MYO1B: variants seen among roughly 807,000 people sequenced by gnomAD.
The protein encoded by MYO1B is myosin IB, also known as unconventional myosin-Ib.
In MYO1B, 72 loss-of-function variants were observed where a neutral mutation model predicts 159.7. The ratio of observed to expected loss-of-function variants is 0.45; its 90% CI spans 0.37 to 0.55. The LOEUF is 0.55. MYO1B is among the 20% of genes least tolerant of loss of function. MYO1B has a pLI of 0.00. For missense variants in MYO1B, 1,062 were observed against 1,364.8 expected (o/e 0.78, Z 3.50); for synonymous variants, 468 against 473.8 (o/e 0.99, Z 0.16).
chr2:191,413,988 T>A (rs1198126036), intron 27 of MYO1B, 60 bp from the exon 28 acceptor site: 5 of 1,535,270 alleles, frequency 3.3e-6, no homozygotes, highest in Non-Finnish European at 4.4e-6. Flanking sequence ...CCTGTTTCCT[T>A]TTTTTAGTGG....
At chr2:191,423,281 A>C (rs538972067) in intron 30 of MYO1B, among the ~76,000 whole-genome samples, 1 of 152,236 alleles carries the variant, frequency 6.6e-6, no homozygotes, top group African/African-American at 2.4e-5. Context: ...TGCATACTGT[A>C]GGCAATTGTA....
chr2:191,414,212 A>G, intron 28 of MYO1B, 32 bp downstream of exon 28: 1 of 1,588,216 alleles, frequency 6.3e-7, no homozygotes, highest in Non-Finnish European at 8.6e-7. Context: ...ACTGATAAGA[A>G]GTACCTATTA....
At chr2:191,285,243 T>C (rs1379324760) in intron 2 of MYO1B, among the ~76,000 whole-genome samples, 1 of 152,228 alleles carries the variant, frequency 6.6e-6, no homozygotes. Flanking sequence ...CAGTATTGTA[T>C]TATCCTGCTC....
intron 2 of MYO1B, among the ~76,000 whole-genome samples, chr2:191,295,654 G>A (rs1026767000): frequency 6.6e-6 from 1 of 152,100 alleles, no homozygotes; most frequent in Non-Finnish European, 1.5e-5. Flanking sequence ...CCAAAGGGAA[G>A]GCCCTATGAG....
chr2:191,263,313 G>C, intron 1 of MYO1B: 1 of 984,946 alleles, frequency 1.0e-6, no homozygotes. Flanking sequence ...ACGAATGTTT[G>C]TCTCTCTCTT....
At chr2:191,364,094 T>C (rs953847834) in intron 10 of MYO1B, 64 bp from the exon 11 acceptor site, 20 of 1,394,518 alleles carry the variant, frequency 1.4e-5, no homozygotes, top group Non-Finnish European at 2.0e-5. Flanking sequence ...TCCTAAGCCT[T>C]CAAAATTATT....
At chr2:191,371,681 T>C (rs1694374293) in intron 13 of MYO1B, among the ~76,000 whole-genome samples, 1 of 152,200 alleles carries the variant, frequency 6.6e-6, no homozygotes, top group South Asian at 2.1e-4. Flanking sequence ...CTCACCTTTC[T>C]TCCCAAAGTA....
chr2:191,423,556 T>G (rs953159499), intron 30 of MYO1B, among the ~76,000 whole-genome samples: 3 of 152,192 alleles, frequency 2.0e-5, no homozygotes, highest in Non-Finnish European at 2.9e-5. Context: ...TATATGTGGT[T>G]CATTGTTCAC....
chr2:191,292,554 C>T (rs887755175), intron 2 of MYO1B, among the ~76,000 whole-genome samples: 2 of 152,128 alleles, frequency 1.3e-5, no homozygotes, highest in African/African-American at 4.8e-5. Flanking sequence ...CAGATAAAAC[C>T]TCCAGATACC....
At chr2:191,354,032 C>T (rs1010798977) in intron 7 of MYO1B, among the ~76,000 whole-genome samples, 8 of 151,990 alleles carry the variant, frequency 5.3e-5, no homozygotes, top group African/African-American at 7.2e-5. Flanking sequence ...CCGAGGCAGG[C>T]GGATCACGAG....
At chr2:191,246,545 A>G (rs553001176) in intron 1 of MYO1B, among the ~76,000 whole-genome samples, 1 of 56,694 alleles carries the variant, frequency 1.8e-5, no homozygotes, top group Non-Finnish European at 3.6e-5. Context: ...GTTACAGTGA[A>G]AGAAGCCCCC....
At chr2:191,360,803 C>G (rs1347807750) in intron 8 of MYO1B, 74 bp downstream of exon 8, 2 of 940,648 alleles carry the variant, frequency 2.1e-6, no homozygotes, top group South Asian at 3.2e-5. Context: ...CTGGGAGTCT[C>G]ACTGTGTTGC....
chr2:191,311,930 CTT>C (rs138613104), intron 3 of MYO1B, among the ~76,000 whole-genome samples: 2,181 of 152,264 alleles, frequency 0.014, 51 homozygotes, highest in African/African-American at 0.05. Context: ...ATATATAACA[CTT>C]TGAACATTTG....
chr2:191,368,302 C>G (rs1260921035), intron 11 of MYO1B, among the ~76,000 whole-genome samples: 1 of 152,118 alleles, frequency 6.6e-6, no homozygotes, highest in Non-Finnish European at 1.5e-5. Context: ...TTAGAAGCAG[C>G]AAAATACACA....
chr2:191,270,363 T>A (rs1337853476), intron 1 of MYO1B, among the ~76,000 whole-genome samples: 1 of 152,208 alleles, frequency 6.6e-6, no homozygotes, highest in African/African-American at 2.4e-5. Flanking sequence ...TACTTTTAAT[T>A]ATTAAAAAGT....
At chr2:191,419,776 G>A (rs1372930229) in intron 30 of MYO1B, among the ~76,000 whole-genome samples, 1 of 152,006 alleles carries the variant, frequency 6.6e-6, no homozygotes, top group Non-Finnish European at 1.5e-5. Flanking sequence ...TTAACAAAAA[G>A]TTTAAAAAGT....
chr2:191,277,103 C>G (rs1406082700), intron 2 of MYO1B, 73 bp downstream of exon 2: 14 of 1,526,160 alleles, frequency 9.2e-6, no homozygotes, highest in Non-Finnish European at 1.2e-5. Flanking sequence ...TTTTCTTCCT[C>G]AGACTCTTCT....
chr2:191,331,969 TTTTTC>T (rs1691509598), intron 4 of MYO1B, among the ~76,000 whole-genome samples: 1 of 152,204 alleles, frequency 6.6e-6, no homozygotes, highest in Admixed American at 6.5e-5. Flanking sequence ...ACTCTTATCC[TTTTTC>T]TTTTTGAGAC....
At chr2:191,374,924 ATTAAG>A (rs995836186) in intron 13 of MYO1B, among the ~76,000 whole-genome samples, 4 of 152,340 alleles carry the variant, frequency 2.6e-5, no homozygotes, top group African/African-American at 9.6e-5. Context: ...GAAAAAAGAT[ATTAAG>A]TTAAAAAGTA....
Sources: allele counts gnomAD v4.1 joint callset (sites outside exome capture counted in the v4.1 genomes callset), GRCh38; gene constraint gnomAD v4.1.1; transcripts MANE v1.5; gene names NCBI Gene and HGNC (gene_info 2026-07-23, HGNC 2026-07-21).